Variants in LHFPL2 observed in about 807,000 individuals in gnomAD.
LHFPL2 encodes LHFPL tetraspan subfamily member 2 protein.
In LHFPL2, 7 loss-of-function variants were observed where a neutral mutation model predicts 17.5. That is an observed-to-expected ratio of 0.40 (90% CI 0.23 to 0.75). LHFPL2 has a LOEUF of 0.75. LHFPL2 is among the 30% of genes least tolerant of loss of function. LHFPL2 has a pLI of 0.37. For synonymous variants in LHFPL2, 134 were observed against 116.2 expected (o/e 1.15, Z -0.99); for missense variants, 241 against 294.8 (o/e 0.82, Z 1.34).
intron 3 of LHFPL2, among the ~76,000 whole-genome samples, chr5:78,525,735 C>T (rs1300897983): frequency 2.0e-5 from 3 of 152,172 alleles, no homozygotes; most frequent in African/African-American, 7.2e-5. Context: ...TGTGCACCTT[C>T]TAAAAACTGC....
chr5:78,507,259 G>A (rs1754958597), intron 4 of LHFPL2, among the ~76,000 whole-genome samples: 1 of 152,080 alleles, frequency 6.6e-6, no homozygotes, highest in South Asian at 2.1e-4. Context: ...GAAACTGGGA[G>A]GTGGAGGTTG....
At chr5:78,630,408 C>G (rs1745197880) in intron 2 of LHFPL2, among the ~76,000 whole-genome samples, 1 of 152,154 alleles carries the variant, frequency 6.6e-6, no homozygotes, top group African/African-American at 2.4e-5. Context: ...AACATCTGGG[C>G]TTTTTCATTT....
intron 3 of LHFPL2, among the ~76,000 whole-genome samples, chr5:78,524,309 T>C (rs1423945977): frequency 6.6e-6 from 1 of 152,208 alleles, no homozygotes; most frequent in Admixed American, 6.5e-5. Context: ...TTCACAATTT[T>C]AGAATTTCCT....
In LHFPL2 at chr5:78,486,399, A is replaced by AT. The variant is rs1754242084; in HGVS notation, c.*2497dup. On this transcript the variant is annotated 3_prime_UTR_variant, in exon 5 of 5. Transcript: ENST00000380345. ...AATAATGGTCCTATTTATTAGAAAA[A>AT]TAAGTGTGAGCCAACAATCTATTTT... is the stretch of plus-strand genomic sequence containing the variant. 2 of 152,228 alleles carry AT rather than the reference A, an allele frequency of 1.3e-5. No homozygotes were observed. Among genetic ancestry groups the AT allele is most frequent in the African/African-American group, 4.8e-5 (2 of 41,450 alleles). 9.4% of individuals were successfully genotyped at this position (152,228 alleles called of 1,614,324 possible). A position where few individuals can be genotyped will look rare whatever the true frequency, so the allele number is the denominator to read the frequency against.
At chr5:78,541,877 C>G (rs1198149466) in intron 3 of LHFPL2, among the ~76,000 whole-genome samples, 3 of 152,108 alleles carry the variant, frequency 2.0e-5, no homozygotes, top group African/African-American at 7.2e-5. Flanking sequence ...GCCCACCTAG[C>G]CTGAAGATGG....
At chr5:78,640,869 T>A (rs73150041) in intron 1 of LHFPL2, among the ~76,000 whole-genome samples, 86 of 152,130 alleles carry the variant, frequency 5.7e-4, no homozygotes, top group African/African-American at 2.0e-3. Context: ...CAACAAGCAT[T>A]CACTGGGGCC....
intron 2 of LHFPL2, among the ~76,000 whole-genome samples, chr5:78,566,467 G>A (rs1371988685): frequency 1.4e-5 from 2 of 147,332 alleles, no homozygotes; most frequent in African/African-American, 4.9e-5. Flanking sequence ...AGGAAACTAA[G>A]ACTTTTTTTT....
chr5:78,489,718 C>G (rs1239078340), intron 4 of LHFPL2, among the ~76,000 whole-genome samples: 2 of 152,228 alleles, frequency 1.3e-5, no homozygotes, highest in East Asian at 3.8e-4. Context: ...CTGAGCATTT[C>G]TCTTTTGGTC....
intron 2 of LHFPL2, among the ~76,000 whole-genome samples, chr5:78,608,651 G>T (rs1319470169): frequency 6.6e-6 from 1 of 151,758 alleles, no homozygotes; most frequent in East Asian, 1.9e-4. Flanking sequence ...ACATTAGAGA[G>T]GCTGGGCACG....
At chr5:78,511,381 G>C (rs1755120060) in intron 3 of LHFPL2, among the ~76,000 whole-genome samples, 1 of 152,244 alleles carries the variant, frequency 6.6e-6, no homozygotes. Context: ...ATTACCAGAA[G>C]ACATTGCTCC....
intron 3 of LHFPL2, among the ~76,000 whole-genome samples, chr5:78,520,802 GGCTAACT>G (rs71725862): frequency 0.046 from 6,926 of 152,048 alleles, 501 homozygotes; most frequent in African/African-American, 0.16. Flanking sequence ...ACGGTCTTTC[GGCTAACT>G]GCTAACTGCT....
intron 1 of LHFPL2, among the ~76,000 whole-genome samples, chr5:78,638,080 C>T (rs964967984): frequency 7.9e-5 from 12 of 152,146 alleles, no homozygotes; most frequent in Admixed American, 1.3e-4. Flanking sequence ...AAGGGCCGGG[C>T]GTGGTGGCTT....
Position 78,638,812 on chromosome 5 carries a change from A to G in LHFPL2, c.-349-6444T>C, listed in dbSNP as rs1745559292. 2.6e-5 allele frequency among the ~76,000 whole-genome samples: 4 copies of G among 152,366 alleles called. No homozygotes were observed. The South Asian group carries it at 8.3e-4, about 32-fold the overall frequency. On this transcript the variant is annotated intron_variant, in intron 1 of 4. Coordinates refer to ENST00000380345, the MANE Select transcript of LHFPL2 (RefSeq NM_005779.3). ...GGCTGACAAGACAGACGACCAGGTC[A>G]GAATTCAAAACTATCTGGACAGGCC...
chr5:78,550,664 G>A (rs1366138402), intron 3 of LHFPL2, among the ~76,000 whole-genome samples: 2 of 152,078 alleles, frequency 1.3e-5, no homozygotes, highest in African/African-American at 2.4e-5. Flanking sequence ...TCCGCCTCCC[G>A]GGTTCAAGAA....
intron 3 of LHFPL2, among the ~76,000 whole-genome samples, chr5:78,537,242 T>C (rs1033350931): frequency 2.6e-5 from 4 of 152,286 alleles, no homozygotes; most frequent in East Asian, 3.9e-4. Flanking sequence ...CCAGCTGCCA[T>C]AGCAACATCA....
chr5:78,494,636 T>A, intron 4 of LHFPL2: 1 of 405,724 alleles, frequency 2.5e-6, no homozygotes, highest in Non-Finnish European at 3.3e-6. Context: ...TCACCGATGG[T>A]CATGGTATTG....
At position 78,487,140 on chromosome 5, in the gene LHFPL2, C is replaced by T. The variant is rs1377344048; in HGVS notation, c.*1757G>A. The T allele has an allele frequency of 6.6e-6, 1 of 152,150 alleles. No homozygotes were observed. The highest frequency in any genetic ancestry group is 1.5e-5 in the Non-Finnish European group (1 of 68,028). 9.4% of individuals were successfully genotyped at this position (152,150 alleles called of 1,614,324 possible). ...TGAATTTTGGTTCAGGAATGGGAAA[C>T]TCATTAAGGCTAGTTCCACACCTCC... On this transcript the variant is annotated 3_prime_UTR_variant, in exon 5 of 5. Transcript: ENST00000380345.
intron 3 of LHFPL2, among the ~76,000 whole-genome samples, chr5:78,511,477 C>A (rs1227665917): frequency 6.6e-6 from 1 of 152,216 alleles, no homozygotes; most frequent in Non-Finnish European, 1.5e-5. Context: ...CTGCCCCATT[C>A]CAAGGCCAGG....
intron 2 of LHFPL2, among the ~76,000 whole-genome samples, chr5:78,565,927 A>G (rs191421463): frequency 4.6e-5 from 7 of 152,360 alleles, no homozygotes; most frequent in African/African-American, 1.7e-4. Flanking sequence ...TTCTTTTTGC[A>G]CATTTAAAAG....
Sources: gnomAD v4.1 joint callset for allele counts (sites outside exome capture counted in the v4.1 genomes callset) on GRCh38, gnomAD v4.1.1 for gene constraint, MANE v1.5 for transcripts, NCBI Gene and HGNC (gene_info 2026-07-23, HGNC 2026-07-21) for gene names.